The following AFAP1 variants were observed in gnomAD, a reference collection of about 807,000 sequenced individuals.
AFAP1 encodes the protein actin filament-associated protein 1.
AFAP1 carries 75 observed loss-of-function variants against 93.9 expected under a neutral mutation model. The ratio of observed to expected loss-of-function variants is 0.80; its 90% CI spans 0.66 to 0.97. The LOEUF is 0.97. Ranked by LOEUF, AFAP1 falls within the 50% of genes least tolerant of loss-of-function variation. AFAP1 has a pLI of 0.00. For missense variants in AFAP1, 1,201 were observed against 1,050.8 expected, an observed-to-expected ratio of 1.14 and a Z score of -1.98; for synonymous variants, 517 against 430.7, an observed-to-expected ratio of 1.20 and a Z score of -2.48.
At chr4:7,877,919 C>T (rs968121993) in intron 1 of AFAP1, among the ~76,000 whole-genome samples, 3 of 152,288 alleles carry the variant, frequency 2.0e-5, no homozygotes, top group Non-Finnish European at 2.9e-5. Flanking sequence ...GTTCCCAGGA[C>T]GCAGGTGCAG....
intron 12 of AFAP1, among the ~76,000 whole-genome samples, chr4:7,784,167 C>T (rs1717043601): frequency 2.0e-5 from 3 of 152,146 alleles, no homozygotes; most frequent in Non-Finnish European, 2.9e-5. Flanking sequence ...TGTGGGCACC[C>T]AGAGACACCC....
Position 7,911,371 on chromosome 4 carries a change from G to A in AFAP1, c.-3+28285C>T, listed in dbSNP as rs570819330. Among the ~76,000 whole-genome samples the A allele has an allele frequency of 1.4e-3, 214 of 152,284 alleles. 1 individual carries two copies. The highest frequency in any genetic ancestry group is 5.0e-3 in the African/African-American group (207 of 41,552). ...ACCAAACTGTGAGCTGTACTGACCC[G>A]GGCCTCGCCCATGTTGCAGGCATGT... On this transcript the variant is annotated intron_variant, in intron 1 of 17. Transcript: ENST00000420658.
intron 1 of AFAP1, among the ~76,000 whole-genome samples, chr4:7,919,307 C>T (rs1316639573): frequency 6.6e-6 from 1 of 152,238 alleles, no homozygotes; most frequent in Non-Finnish European, 1.5e-5. Flanking sequence ...ATCCTAGCAG[C>T]ACGCATCACT....
chr4:7,774,655 A>G, intron 15 of AFAP1, 84 bp downstream of exon 15: 1 of 1,528,344 alleles, frequency 6.5e-7, no homozygotes, highest in South Asian at 1.3e-5. Flanking sequence ...TTGGTGAGCA[A>G]TAGGTCCTTT....
chr4:7,809,882 C>G, intron 8 of AFAP1, 119 bp from the exon 9 acceptor site: 2 of 1,176,454 alleles, frequency 1.7e-6, no homozygotes, highest in Non-Finnish European at 2.3e-6. Flanking sequence ...TTATTAAAGA[C>G]AGGGTCTCAC....
intron 10 of AFAP1, among the ~76,000 whole-genome samples, chr4:7,798,162 A>G (rs1718634558): frequency 9.2e-6 from 1 of 108,238 alleles, no homozygotes; most frequent in Non-Finnish European, 2.0e-5. Flanking sequence ...CGGCACTGCA[A>G]CTCTACTGGC....
At chr4:7,896,107 C>T (rs533581684) in intron 1 of AFAP1, among the ~76,000 whole-genome samples, 4 of 152,116 alleles carry the variant, frequency 2.6e-5, no homozygotes, top group Admixed American at 6.5e-5. Context: ...GTGATCCGCC[C>T]GCCTCGGCCT....
intron 6 of AFAP1, among the ~76,000 whole-genome samples, chr4:7,827,367 T>C (rs1442243112): frequency 6.7e-6 from 1 of 149,862 alleles, no homozygotes; most frequent in Non-Finnish European, 1.5e-5. Context: ...AGGTCAGGAG[T>C]TCGAGACCAG....
At chr4:7,772,571 G>A in intron 16 of AFAP1, 1 of 503,540 alleles carries the variant, frequency 2.0e-6, no homozygotes, top group Non-Finnish European at 3.5e-6. Context: ...ATTGTGCAAA[G>A]GGGAAAGACA....
At chr4:7,892,574 T>C (rs1211612145) in intron 1 of AFAP1, among the ~76,000 whole-genome samples, 1 of 152,196 alleles carries the variant, frequency 6.6e-6, no homozygotes, top group East Asian at 1.9e-4. Flanking sequence ...CCTCCATCTT[T>C]TTGCACTTGA....
Position 7,768,658 on chromosome 4 carries a change from G to A in AFAP1, c.2418+186C>T, listed in dbSNP as rs113086481. Among the ~76,000 whole-genome samples the A allele has an allele frequency of 6.2e-3, 948 of 152,266 alleles. 13 individuals carry two copies. The highest frequency in any genetic ancestry group is 0.021 in the African/African-American group (877 of 41,540). On this transcript the variant is annotated intron_variant, in intron 17 of 17. Coordinates refer to ENST00000420658, the MANE Select transcript of AFAP1 (RefSeq NM_001134647.2). ...AGTCACTGTTCACCTTTGAGAACCCGGTTCCTAACAGGATCTGCGGGGTGG... is the reference window on the plus strand; with the variant it reads ...AGTCACTGTTCACCTTTGAGAACCCAGTTCCTAACAGGATCTGCGGGGTGG...
intron 4 of AFAP1, among the ~76,000 whole-genome samples, chr4:7,849,646 G>A (rs1714205126): frequency 6.6e-6 from 1 of 152,168 alleles, no homozygotes; most frequent in Non-Finnish European, 1.5e-5. Flanking sequence ...AATGATGATG[G>A]TGCTTTGCAG....
At chr4:7,780,092 A>G (rs1716597163) in intron 13 of AFAP1, among the ~76,000 whole-genome samples, 1 of 152,228 alleles carries the variant, frequency 6.6e-6, no homozygotes, top group Admixed American at 6.5e-5. Context: ...CAATAAAAAG[A>G]CATGTAGAAA....
At chr4:7,858,946 C>A (rs1212327663) in intron 3 of AFAP1, among the ~76,000 whole-genome samples, 1 of 152,252 alleles carries the variant, frequency 6.6e-6, no homozygotes, top group Non-Finnish European at 1.5e-5. Context: ...ACGTGCGAAT[C>A]TCTGGGCAGA....
chr4:7,832,246 A>G (rs1389721884), intron 6 of AFAP1, among the ~76,000 whole-genome samples: 2 of 152,100 alleles, frequency 1.3e-5, no homozygotes, highest in South Asian at 2.1e-4. Flanking sequence ...GGACTTCCAG[A>G]AGGATCATCT....
chr4:7,858,391 A>G (rs1339845651), intron 3 of AFAP1, among the ~76,000 whole-genome samples: 5 of 152,166 alleles, frequency 3.3e-5, no homozygotes, highest in African/African-American at 1.2e-4. Context: ...TAATACTGCT[A>G]AAGAATCACT....
At chr4:7,773,304 G>A (rs1049532984) in intron 15 of AFAP1, 7 of 361,974 alleles carry the variant, frequency 1.9e-5, no homozygotes, top group Admixed American at 4.4e-5. Flanking sequence ...ATTTTAAAAC[G>A]TGGACCCTAA....
intron 4 of AFAP1, among the ~76,000 whole-genome samples, chr4:7,853,033 T>C (rs1391483595): frequency 6.6e-6 from 1 of 152,114 alleles, no homozygotes; most frequent in Non-Finnish European, 1.5e-5. Context: ...TCGTCTCTAC[T>C]TGGAAACTCA....
chr4:7,824,559 AAC>A (rs952038449), intron 6 of AFAP1, among the ~76,000 whole-genome samples: 7 of 152,232 alleles, frequency 4.6e-5, no homozygotes, highest in African/African-American at 1.7e-4. Flanking sequence ...GCACTGGTTA[AAC>A]ACAGTTCTCA....
Sources: gnomAD v4.1 joint callset for allele counts (sites outside exome capture counted in the v4.1 genomes callset) on GRCh38, gnomAD v4.1.1 for gene constraint, MANE v1.5 for transcripts, NCBI Gene and HGNC (gene_info 2026-07-23, HGNC 2026-07-21) for gene names.